Variants in EYS observed in about 807,000 individuals in gnomAD.
The protein encoded by EYS is EGF-like photoreceptor maintenance factor.
In EYS, 250 loss-of-function variants were observed where a neutral mutation model predicts 282.1. The ratio of observed to expected loss-of-function variants is 0.89; its 90% confidence interval spans 0.80 to 0.98. EYS has a LOEUF of 0.98. EYS is among the 50% of genes least tolerant of loss of function. The pLI is 0.00. For synonymous variants in EYS, 1,355 were observed against 1,282.9 expected, an observed-to-expected ratio of 1.06 and a Z score of -1.20; for missense variants, 4,016 against 3,709.0, an observed-to-expected ratio of 1.08 and a Z score of -2.15.
Position 65,148,446 on chromosome 6 carries a change from G to T in EYS, c.2024-90719C>A, listed in dbSNP as rs973472468. Among the ~76,000 whole-genome samples the T allele has an allele frequency of 1.1e-4, 17 of 152,054 alleles. 1 individual carries two copies. The highest frequency in any genetic ancestry group is 2.1e-4 in the South Asian group (1 of 4,830). On this transcript the variant is annotated intron_variant, in intron 12 of 42. Coordinates refer to ENST00000503581, the MANE Select transcript of EYS (RefSeq NM_001142800.2). Reference sequence around the variant, plus strand: ...TTTGACTCCATGTCTCACATCCAGGGCATACTGATGCAAGAGATAGGTTCC... The same window carrying T: ...TTTGACTCCATGTCTCACATCCAGGTCATACTGATGCAAGAGATAGGTTCC...
At chr6:63,984,344 C>G (rs903777032) in intron 35 of EYS, 39 bp downstream of exon 35, 12 of 1,362,798 alleles carry the variant, frequency 8.8e-6, no homozygotes, top group African/African-American at 1.5e-5. Flanking sequence ...AATTTGGAGT[C>G]ATGTAACGTA....
chr6:64,280,170 T>C (rs772214170), intron 30 of EYS, among the ~76,000 whole-genome samples: 1 of 152,118 alleles, frequency 6.6e-6, no homozygotes, highest in Non-Finnish European at 1.5e-5. Flanking sequence ...AATAAAAATA[T>C]CAAGTAAATA....
At chr6:65,677,741 T>A (rs966830102) in intron 1 of EYS, among the ~76,000 whole-genome samples, 1 of 151,906 alleles carries the variant, frequency 6.6e-6, no homozygotes, top group South Asian at 2.1e-4. Flanking sequence ...GGACCCCCAA[T>A]AGCCAGACAG....
intron 30 of EYS, among the ~76,000 whole-genome samples, chr6:64,231,491 A>G (rs1766424590): frequency 6.6e-6 from 1 of 152,096 alleles, no homozygotes. Context: ...TCTCAAACCA[A>G]ATAAGATTGC....
chr6:63,846,421 C>T (rs1247465985), intron 36 of EYS, among the ~76,000 whole-genome samples: 1 of 152,158 alleles, frequency 6.6e-6, no homozygotes, highest in Non-Finnish European at 1.5e-5. Context: ...AGACTTGGGG[C>T]AGACAAAGTC....
chr6:64,646,490 A>G (rs2009850), intron 22 of EYS, among the ~76,000 whole-genome samples: 16,880 of 152,154 alleles, frequency 0.11, 1,109 homozygotes, highest in East Asian at 0.16. Context: ...ATATTTATGA[A>G]GTTTGAGATA....
At chr6:65,539,878 A>C (rs1768100177) in intron 2 of EYS, among the ~76,000 whole-genome samples, 2 of 152,184 alleles carry the variant, frequency 1.3e-5, no homozygotes, top group Non-Finnish European at 2.9e-5. Context: ...TCTGTCATGC[A>C]TTTCATCCAA....
intron 11 of EYS, among the ~76,000 whole-genome samples, chr6:65,309,069 A>C (rs1452932989): frequency 6.6e-6 from 1 of 152,162 alleles, no homozygotes; most frequent in Admixed American, 6.5e-5. Context: ...CTATAGGGTT[A>C]AAAAAATTAG....
chr6:64,046,144 T>C (rs1291044695), intron 33 of EYS, among the ~76,000 whole-genome samples: 5 of 149,870 alleles, frequency 3.3e-5, no homozygotes, highest in African/African-American at 1.2e-4. Context: ...AAATATATTT[T>C]ACATATATAA....
intron 42 of EYS, 83 bp from the exon 43 acceptor site, chr6:63,721,880 T>G (rs1314552765): frequency 2.3e-6 from 3 of 1,295,800 alleles, no homozygotes; most frequent in Non-Finnish European, 3.1e-6. Flanking sequence ...CCAAGTTGGA[T>G]AAGTTTTAGT....
At chr6:64,650,175 AC>A (rs1768508223) in intron 22 of EYS, among the ~76,000 whole-genome samples, 1 of 151,976 alleles carries the variant, frequency 6.6e-6, no homozygotes, top group South Asian at 2.1e-4. Context: ...CATAGCAAAA[AC>A]TCTGGTTTAA....
intron 2 of EYS, among the ~76,000 whole-genome samples, chr6:65,594,476 A>G (rs1463295024): frequency 6.6e-6 from 1 of 152,072 alleles, no homozygotes; most frequent in Non-Finnish European, 1.5e-5. Context: ...TAGTTACATT[A>G]CTTTGCAGTA....
At position 65,389,180 on chromosome 6, in the gene EYS, C is replaced by T. The variant is rs79431795; in HGVS notation, c.1185-4680G>A. Among the ~76,000 whole-genome samples the T allele has an allele frequency of 7.5e-3, 1,138 of 152,212 alleles. 9 individuals are homozygous for T. The highest frequency in any genetic ancestry group is 0.017 in the Admixed American group (256 of 15,274). ...TAAACCAAATAAAGTAACTCATTTG[C>T]CAGCAACACTGCAATACTTGCCATT... On this transcript the variant is annotated intron_variant, in intron 7 of 42. Transcript: ENST00000503581.
At chr6:65,199,583 T>C (rs1377421838) in intron 12 of EYS, among the ~76,000 whole-genome samples, 1 of 152,134 alleles carries the variant, frequency 6.6e-6, no homozygotes, top group African/African-American at 2.4e-5. Context: ...ATAGAGTGTC[T>C]ATCATAGCAA....
At chr6:65,301,581 T>C (rs1768828915) in intron 11 of EYS, among the ~76,000 whole-genome samples, 1 of 152,208 alleles carries the variant, frequency 6.6e-6, no homozygotes, top group African/African-American at 2.4e-5. Context: ...GATAGTGTCA[T>C]CGGTTCGGGT....
intron 27 of EYS, among the ~76,000 whole-genome samples, chr6:64,437,461 C>G (rs1259406309): frequency 6.6e-6 from 1 of 151,600 alleles, no homozygotes; most frequent in Non-Finnish European, 1.5e-5. Flanking sequence ...TTGTCAATCT[C>G]CATCTTAAGA....
chr6:65,250,727 T>C (rs914457954), intron 12 of EYS, among the ~76,000 whole-genome samples: 1 of 151,782 alleles, frequency 6.6e-6, no homozygotes, highest in Non-Finnish European at 1.5e-5. Flanking sequence ...AATTTGAATA[T>C]AAACCCATGT....
At chr6:64,064,727 A>G (rs186233990) in intron 33 of EYS, among the ~76,000 whole-genome samples, 43 of 152,296 alleles carry the variant, frequency 2.8e-4, no homozygotes, top group Admixed American at 5.9e-4. Context: ...TCATTTCTCT[A>G]AGAATTTAAC....
chr6:64,958,330 G>A (rs560461610), intron 14 of EYS, among the ~76,000 whole-genome samples: 5 of 151,988 alleles, frequency 3.3e-5, no homozygotes, highest in African/African-American at 9.7e-5. Flanking sequence ...TGCAGTGAGC[G>A]AAAATCGCGC....
Sources: allele counts gnomAD v4.1 joint callset (sites outside exome capture counted in the v4.1 genomes callset), GRCh38; gene constraint gnomAD v4.1.1; transcripts MANE v1.5; gene names NCBI Gene and HGNC (gene_info 2026-07-23, HGNC 2026-07-21).